The following RAD54B variants were observed in gnomAD, a reference collection of about 807,000 sequenced individuals.
The protein encoded by RAD54B is RAD54 homolog B.
A neutral mutation model predicts 95.8 loss-of-function variants in RAD54B; 78 were observed. The observed-to-expected ratio is 0.81, with a 90% confidence interval of 0.68 to 0.98. The LOEUF (loss-of-function observed/expected upper bound fraction) is 0.98. RAD54B is among the 50% of genes least tolerant of loss of function. The probability of loss-of-function intolerance (pLI) is 0.00; values close to 1 mark genes in which losing one functional copy is unlikely to be tolerated. For missense variants in RAD54B, 957 were observed against 1,056.6 expected, an observed-to-expected ratio of 0.91 and a Z score of 1.31; for synonymous variants, 328 against 354.9, an observed-to-expected ratio of 0.92 and a Z score of 0.85.
In RAD54B at chr8:94,407,553, C is replaced by T; in HGVS notation, c.667G>A (p.Val223Ile). 1 of 1,613,932 alleles carries T rather than the reference C, an allele frequency of 6.2e-7. No individual in the cohort carries two copies. Among genetic ancestry groups the T allele is most frequent in the South Asian group, 1.1e-5 (1 of 91,080 alleles). Residue 223 changes from valine to isoleucine, a missense_variant, in exon 5 of 15, where the codon GTT (valine) becomes ATT (isoleucine). Physicochemically the swap from Val to Ile is conservative, Grantham distance 29. Coordinates refer to ENST00000336148, the MANE Select transcript of RAD54B (RefSeq NM_012415.3). Reference sequence around the variant, plus strand: ...GGGTTAGAGAAACATTTCCTGGCAACCTGAGAAGAATGCGAGATAGCAGTA... The same window carrying T: ...GGGTTAGAGAAACATTTCCTGGCAATCTGAGAAGAATGCGAGATAGCAGTA... Reference protein sequence around the residue: ...GSTAISHSSQVARKCFSNPFK... With the variant: ...GSTAISHSSQIARKCFSNPFK...
chr8:94,465,736 G>A (rs1232370378), intron 2 of RAD54B, among the ~76,000 whole-genome samples: 1 of 152,130 alleles, frequency 6.6e-6, no homozygotes. Flanking sequence ...ATTCGCCATA[G>A]CAAAAAGGTG....
At chr8:94,444,055 C>T (rs904185079) in intron 3 of RAD54B, among the ~76,000 whole-genome samples, 3 of 151,896 alleles carry the variant, frequency 2.0e-5, no homozygotes, top group Non-Finnish European at 4.4e-5. Flanking sequence ...AAATTTTATG[C>T]TTATGAAATA....
chr8:94,464,009 A>T (rs1356447022), intron 2 of RAD54B, among the ~76,000 whole-genome samples: 2 of 152,164 alleles, frequency 1.3e-5, no homozygotes, highest in Non-Finnish European at 1.5e-5. Context: ...TAAAAAGTGG[A>T]AACAACCCAA....
intron 14 of RAD54B, 84 bp from the exon 15 acceptor site, chr8:94,372,471 G>A: frequency 6.5e-7 from 1 of 1,532,848 alleles, no homozygotes; most frequent in Non-Finnish European, 8.7e-7. Context: ...ATGATAATTA[G>A]TTTATGTGAT....
chr8:94,424,342 CCTA>C (rs1450852754), intron 3 of RAD54B, among the ~76,000 whole-genome samples: 1 of 152,146 alleles, frequency 6.6e-6, no homozygotes, highest in African/African-American at 2.4e-5. Flanking sequence ...ACCTCGCAAA[CCTA>C]CTGTGAGCAA....
intron 10 of RAD54B, among the ~76,000 whole-genome samples, chr8:94,390,847 C>A (rs557575634): frequency 6.6e-6 from 1 of 151,824 alleles, no homozygotes; most frequent in Non-Finnish European, 1.5e-5. Flanking sequence ...AGTCTAAACA[C>A]GAAATTCATT....
intron 11 of RAD54B, among the ~76,000 whole-genome samples, chr8:94,381,742 A>AG (rs1021714517): frequency 6.6e-6 from 1 of 152,156 alleles, no homozygotes; most frequent in Non-Finnish European, 1.5e-5. Context: ...CCAATAGGAG[A>AG]GAAAAAAAAG....
intron 6 of RAD54B, among the ~76,000 whole-genome samples, chr8:94,402,490 G>A (rs572256422): frequency 1.1e-4 from 16 of 152,258 alleles, no homozygotes; most frequent in Admixed American, 1.3e-4. Context: ...CTGACCTCAA[G>A]TGATCCGCCT....
At chr8:94,447,877 A>G (rs1269771680) in intron 3 of RAD54B, among the ~76,000 whole-genome samples, 1 of 152,200 alleles carries the variant, frequency 6.6e-6, no homozygotes, top group African/African-American at 2.4e-5. Context: ...AACTGGGCTC[A>G]TGACAATATC....
chr8:94,419,237 T>C (rs1811743939), intron 3 of RAD54B, among the ~76,000 whole-genome samples: 1 of 151,742 alleles, frequency 6.6e-6, no homozygotes, highest in Admixed American at 6.6e-5. Flanking sequence ...AGGTTGGGAG[T>C]GGTGGCTCAC....
At chr8:94,375,826 A>C (rs541750118) in intron 14 of RAD54B, among the ~76,000 whole-genome samples, 1 of 152,290 alleles carries the variant, frequency 6.6e-6, no homozygotes, top group East Asian at 1.9e-4. Context: ...TTATATATGC[A>C]TACATATATA....
At chr8:94,423,473 T>C (rs1811871369) in intron 3 of RAD54B, among the ~76,000 whole-genome samples, 1 of 152,214 alleles carries the variant, frequency 6.6e-6, no homozygotes, top group Non-Finnish European at 1.5e-5. Context: ...TTATGTACCA[T>C]ATTATTTCAT....
At chr8:94,404,630 G>A (rs74824487) in intron 5 of RAD54B, among the ~76,000 whole-genome samples, 1,559 of 152,278 alleles carry the variant, frequency 0.01, 8 homozygotes, top group Admixed American at 0.018. Context: ...AATGTTCACA[G>A]CTTCTCATTC....
chr8:94,376,042 CT>C (rs1293603816), intron 14 of RAD54B, among the ~76,000 whole-genome samples: 1 of 151,926 alleles, frequency 6.6e-6, no homozygotes, highest in South Asian at 2.1e-4. Flanking sequence ...TTTTTGAAAT[CT>C]ATAAAAGAAA....
chr8:94,397,612 T>C (rs1276069869), intron 8 of RAD54B, among the ~76,000 whole-genome samples: 1 of 152,168 alleles, frequency 6.6e-6, no homozygotes, highest in African/African-American at 2.4e-5. Flanking sequence ...TATCATTGAG[T>C]ATATCAATAA....
At chr8:94,427,109 A>G (rs1051152869) in intron 3 of RAD54B, among the ~76,000 whole-genome samples, 10 of 151,968 alleles carry the variant, frequency 6.6e-5, no homozygotes, top group South Asian at 2.1e-4. Context: ...ATGTTAGGGG[A>G]AAAAAAACTT....
chr8:94,468,974 CA>C (rs1813100237), intron 1 of RAD54B, among the ~76,000 whole-genome samples: 1 of 151,786 alleles, frequency 6.6e-6, no homozygotes. Context: ...AAAACAAAAA[CA>C]AAACATATGA....
At chr8:94,381,633 C>T (rs1391522891) in intron 11 of RAD54B, among the ~76,000 whole-genome samples, 5 of 151,922 alleles carry the variant, frequency 3.3e-5, no homozygotes, top group Admixed American at 6.5e-5. Flanking sequence ...AGAAAAATAT[C>T]TTAGAAATGT....
chr8:94,435,287 GAT>G (rs750354673), intron 3 of RAD54B, among the ~76,000 whole-genome samples: 26 of 152,108 alleles, frequency 1.7e-4, no homozygotes, highest in Middle Eastern at 3.4e-3. Flanking sequence ...TCCCACTGGT[GAT>G]ATTTTTTTTA....
Sources: allele counts gnomAD v4.1 joint callset (sites outside exome capture counted in the v4.1 genomes callset), GRCh38; gene constraint gnomAD v4.1.1; transcripts MANE v1.5; gene names NCBI Gene and HGNC (gene_info 2026-07-23, HGNC 2026-07-21).